Variants in GSK3B observed in about 807,000 individuals in gnomAD.
GSK3B encodes the protein glycogen synthase kinase-3 beta.
A neutral mutation model predicts 56.4 loss-of-function variants in GSK3B; 15 were observed. The observed-to-expected ratio is 0.27, with a 90% confidence interval of 0.18 to 0.41. The LOEUF is 0.41. GSK3B is among the 10% of genes least tolerant of loss of function. GSK3B has a pLI of 1.00. For synonymous variants in GSK3B, 181 were observed against 188.9 expected, an observed-to-expected ratio of 0.96 and a Z score of 0.34; for missense variants, 300 against 513.4, an observed-to-expected ratio of 0.58 and a Z score of 4.02.
chr3:119,868,948 G>C (rs1371182586), intron 8 of GSK3B, among the ~76,000 whole-genome samples: 1 of 152,116 alleles, frequency 6.6e-6, no homozygotes, highest in Non-Finnish European at 1.5e-5. Flanking sequence ...AGGTAATTAT[G>C]TTAACTAAGA....
At chr3:119,854,978 C>T (rs2108023928) in intron 9 of GSK3B, among the ~76,000 whole-genome samples, 1 of 152,264 alleles carries the variant, frequency 6.6e-6, no homozygotes, top group East Asian at 1.9e-4. Context: ...AACGTGTTTG[C>T]TCTTGCTTCT....
intron 2 of GSK3B, among the ~76,000 whole-genome samples, chr3:119,976,364 T>A (rs1468988751): frequency 6.6e-6 from 1 of 152,178 alleles, no homozygotes; most frequent in East Asian, 1.9e-4. Flanking sequence ...ATATGTGGCA[T>A]GTCCATACAA....
At chr3:119,936,393 C>T (rs952174084) in intron 3 of GSK3B, among the ~76,000 whole-genome samples, 1 of 147,872 alleles carries the variant, frequency 6.8e-6, no homozygotes, top group African/African-American at 2.5e-5. Flanking sequence ...GTCACCCAGG[C>T]TGGAGTGCAG....
chr3:119,837,380 T>C (rs2055707715), intron 10 of GSK3B, among the ~76,000 whole-genome samples: 1 of 151,056 alleles, frequency 6.6e-6, no homozygotes, highest in African/African-American at 2.4e-5. Flanking sequence ...TTGGCCAGGA[T>C]GGTCTCGATC....
intron 9 of GSK3B, 45 bp downstream of exon 9, chr3:119,863,374 G>A: frequency 6.9e-7 from 1 of 1,455,176 alleles, no homozygotes; most frequent in Non-Finnish European, 9.6e-7. Flanking sequence ...CACCCAGGGT[G>A]TAGCTTTCCT....
In GSK3B at chr3:119,902,642, G is replaced by A. The variant is rs150378196; in HGVS notation, c.813+3113C>T. Among the ~76,000 whole-genome samples the A allele has an allele frequency of 4.7e-4, 71 of 152,160 alleles. No individual in the cohort carries two copies. In the South Asian group the frequency reaches 6.4e-3, roughly 14 times the overall value. ...GAACTCTTGACCTCAAGTGATCTGC[G>A]CACCTCGGCCTCCCAAAGTGTTGGG... On this transcript the variant is annotated intron_variant, in intron 7 of 10. Transcript: ENST00000264235.
In GSK3B at chr3:120,080,220, G is replaced by T. The variant is rs568488705; in HGVS notation, c.88+13127C>A. ...GTGGGAGGATTGCTTGAGCCCAGGA[G>T]GTTGAGGCTGCAGTGAGCCAAGATC... On this transcript the variant is annotated intron_variant, in intron 1 of 10. Coordinates refer to ENST00000264235, the MANE Select transcript of GSK3B (RefSeq NM_001146156.2). 1.1e-4 allele frequency among the ~76,000 whole-genome samples: 17 copies of T among 152,106 alleles called. No homozygotes were observed. The East Asian group carries it at 3.3e-3, about 29-fold the overall frequency.
chr3:119,954,917 C>G (rs143504555), intron 2 of GSK3B, among the ~76,000 whole-genome samples: 168 of 152,206 alleles, frequency 1.1e-3, no homozygotes, highest in South Asian at 3.3e-3. Context: ...GAAGAAACAA[C>G]CAGCAAGCTT....
At chr3:119,978,506 C>A (rs193163307) in intron 2 of GSK3B, among the ~76,000 whole-genome samples, 1 of 152,194 alleles carries the variant, frequency 6.6e-6, no homozygotes, top group Non-Finnish European at 1.5e-5. Flanking sequence ...TTAACTCTTA[C>A]ATTTGGTGCC....
chr3:119,877,627 A>G (rs1343406525), intron 7 of GSK3B, among the ~76,000 whole-genome samples: 2 of 152,208 alleles, frequency 1.3e-5, no homozygotes. Flanking sequence ...GTCGTTGAAT[A>G]GTGTCCCTTG....
At chr3:119,977,358 T>G (rs75573905) in intron 2 of GSK3B, among the ~76,000 whole-genome samples, 2,617 of 152,246 alleles carry the variant, frequency 0.017, 79 homozygotes, top group African/African-American at 0.06. Flanking sequence ...ATTCTCTTGC[T>G]GGGGACAGGC....
intron 3 of GSK3B, among the ~76,000 whole-genome samples, chr3:119,941,369 T>C (rs2057047501): frequency 6.6e-6 from 1 of 152,194 alleles, no homozygotes; most frequent in South Asian, 2.1e-4. Flanking sequence ...TTTACTAAGA[T>C]ATTTTTTAAT....
At chr3:119,884,353 T>TCCACA (rs1204281400) in intron 7 of GSK3B, among the ~76,000 whole-genome samples, 2 of 152,084 alleles carry the variant, frequency 1.3e-5, no homozygotes, top group Non-Finnish European at 2.9e-5. Flanking sequence ...TGACATGAGT[T>TCCACA]TAGTGGAATT....
chr3:120,093,572 G>C lies in GSK3B; in HGVS notation c.-138C>G. ...AAAAAGAAAAAGACTTCGTCCTCTT[G>C]GCTTTTCACTCCTTTTGTATACTAT... is the stretch of plus-strand genomic sequence containing the variant. On this transcript the variant is annotated 5_prime_UTR_variant, in exon 1 of 11. Coordinates refer to ENST00000264235, the MANE Select transcript of GSK3B (RefSeq NM_001146156.2). 1.6e-6 allele frequency: 1 copy of C among 608,990 alleles called. No individual in the cohort carries two copies. Among genetic ancestry groups the C allele is most frequent in the East Asian group, 2.7e-5 (1 of 37,236 alleles). 37.7% of individuals were successfully genotyped at this position (608,990 alleles called of 1,614,324 possible). A position where few individuals can be genotyped will look rare whatever the true frequency, so the allele number is the denominator to read the frequency against.
intron 2 of GSK3B, among the ~76,000 whole-genome samples, chr3:119,999,346 T>C (rs1374091340): frequency 1.3e-5 from 2 of 152,212 alleles, no homozygotes; most frequent in Non-Finnish European, 2.9e-5. Flanking sequence ...GGAGAGTCTG[T>C]CTAGATTCGA....
chr3:120,091,666 A>G (rs1026632243), intron 1 of GSK3B, among the ~76,000 whole-genome samples: 2 of 152,178 alleles, frequency 1.3e-5, no homozygotes, highest in African/African-American at 2.4e-5. Context: ...AGTAGCTATT[A>G]TAAGATTTGT....
At chr3:120,088,745 C>G (rs1221456211) in intron 1 of GSK3B, among the ~76,000 whole-genome samples, 2 of 152,250 alleles carry the variant, frequency 1.3e-5, no homozygotes, top group Non-Finnish European at 2.9e-5. Context: ...CCGGTTGGTC[C>G]TGTTAGTACC....
intron 2 of GSK3B, among the ~76,000 whole-genome samples, chr3:119,974,447 C>T (rs939734884): frequency 2.6e-5 from 4 of 151,702 alleles, no homozygotes; most frequent in Non-Finnish European, 5.9e-5. Context: ...CCAGAAGCCC[C>T]AGGACTCTGA....
Position 119,825,003 on chromosome 3 carries a change from T to C in GSK3B, c.*1785A>G, listed in dbSNP as rs944081264. On this transcript the variant is annotated 3_prime_UTR_variant, in exon 11 of 11. Transcript: ENST00000264235. Reference sequence around the variant, plus strand: ...CCCATAAAGTGACCTAAGGTGGCAATGAGGAGGGTGAGGGCAAGTTACACA... The same window carrying C: ...CCCATAAAGTGACCTAAGGTGGCAACGAGGAGGGTGAGGGCAAGTTACACA... 3 of 185,930 alleles carry C rather than the reference T, an allele frequency of 1.6e-5. No homozygotes were observed. Among genetic ancestry groups the C allele is most frequent in the African/African-American group, 7.0e-5 (3 of 42,636 alleles). The allele number at this position is 185,930 out of a possible 1,614,324, so 11.5% of individuals were successfully genotyped here. A position where few individuals can be genotyped will look rare whatever the true frequency, so the allele number is the denominator to read the frequency against.
Sources: gnomAD v4.1 joint callset for allele counts (sites outside exome capture counted in the v4.1 genomes callset) on GRCh38, gnomAD v4.1.1 for gene constraint, MANE v1.5 for transcripts, NCBI Gene and HGNC (gene_info 2026-07-23, HGNC 2026-07-21) for gene names.